Variants in NUP93 observed in about 807,000 individuals in gnomAD.
The protein encoded by NUP93 is nucleoporin 93, also known as nuclear pore complex protein Nup93.
In NUP93, 55 loss-of-function variants were observed where a neutral mutation model predicts 107.8. The observed-to-expected ratio is 0.51, with a 90% CI of 0.41 to 0.64. The LOEUF is 0.64. Ranked by LOEUF, NUP93 falls within the 30% of genes least tolerant of loss-of-function variation. NUP93 has a pLI of 0.00. For missense variants in NUP93, 937 were observed against 1,044.7 expected, an observed-to-expected ratio of 0.90 and a Z score of 1.42; for synonymous variants, 390 against 397.5, an observed-to-expected ratio of 0.98 and a Z score of 0.22.
intron 3 of NUP93, among the ~76,000 whole-genome samples, chr16:56,759,310 T>TG (rs1962083533): frequency 6.6e-6 from 1 of 152,262 alleles, no homozygotes; most frequent in Non-Finnish European, 1.5e-5. Flanking sequence ...GAAGGGACAG[T>TG]GGGGCACCAT....
chr16:56,832,643 A>G (rs1293980905), intron 12 of NUP93, among the ~76,000 whole-genome samples: 2 of 152,260 alleles, frequency 1.3e-5, no homozygotes, highest in African/African-American at 2.4e-5. Flanking sequence ...GTTCTAGTAG[A>G]CATATGCTCA....
At chr16:56,802,583 C>T (rs562603932) in intron 4 of NUP93, among the ~76,000 whole-genome samples, 2 of 33,626 alleles carry the variant, frequency 5.9e-5, no homozygotes, top group East Asian at 0.014. Context: ...TTCCTAATCA[C>T]GTGTCATATG....
chr16:56,839,036 G>A lies in NUP93; in HGVS notation c.2103G>A (p.Glu701=). Residue 701 remains glutamate, a synonymous_variant, in exon 19 of 22, where the codon GAG becomes GAA. Transcript: ENST00000308159. ...LLLDLITFFD[E]YHSGHIDRAF... Reference sequence around the variant, plus strand: ...TGGACTTGATCACCTTTTTTGACGAGTATCATAGTGGTCATATTGATAGAG... The same window carrying A: ...TGGACTTGATCACCTTTTTTGACGAATATCATAGTGGTCATATTGATAGAG... 2 of 1,613,688 alleles carry A rather than the reference G, an allele frequency of 1.2e-6. No individual in the cohort carries two copies. Among genetic ancestry groups the A allele is most frequent in the Admixed American group, 1.7e-5 (1 of 59,996 alleles).
chr16:56,838,515 T>G (rs1963957243), intron 18 of NUP93, among the ~76,000 whole-genome samples: 1 of 152,220 alleles, frequency 6.6e-6, no homozygotes. Flanking sequence ...TTACACTCTT[T>G]AATTAACTTC....
chr16:56,766,193 G>A lies in NUP93; in HGVS notation c.297+7538G>A, dbSNP rs74613949. On this transcript the variant is annotated intron_variant, in intron 3 of 21. Coordinates refer to ENST00000308159, the MANE Select transcript of NUP93 (RefSeq NM_014669.5). ...TCTTCTAGGAGGTTTCTTATATCCT[G>A]TAGTGAGCAAGAGAGTATCAATTAC... Among the ~76,000 whole-genome samples the A allele has an allele frequency of 5.9e-4, 90 of 152,326 alleles. 2 individuals carry two copies. In the East Asian group the frequency reaches 0.014, roughly 23 times the overall value.
chr16:56,738,291 A>T (rs986712517), intron 1 of NUP93, among the ~76,000 whole-genome samples: 3 of 152,208 alleles, frequency 2.0e-5, no homozygotes, highest in Non-Finnish European at 4.4e-5. Context: ...CTGGACAGCC[A>T]AGAGTTTATC....
chr16:56,790,084 C>T (rs1413572282), intron 3 of NUP93, among the ~76,000 whole-genome samples: 1 of 142,662 alleles, frequency 7.0e-6, no homozygotes, highest in Non-Finnish European at 1.5e-5. Context: ...GCAACAAGAG[C>T]AAAACTCCAT....
chr16:56,763,820 A>G (rs1962172166), intron 3 of NUP93, among the ~76,000 whole-genome samples: 1 of 152,210 alleles, frequency 6.6e-6, no homozygotes, highest in Admixed American at 6.5e-5. Context: ...CGCCAATTCT[A>G]ATCATGGTTA....
chr16:56,768,475 A>AT (rs1388638841), intron 3 of NUP93, among the ~76,000 whole-genome samples: 1 of 151,860 alleles, frequency 6.6e-6, no homozygotes, highest in Non-Finnish European at 1.5e-5. Flanking sequence ...AGGCAGGAGA[A>AT]TTGCTTGAAC....
rs952860085 is a variant in NUP93 at position 56,814,821 on chromosome 16, C to A, written c.490-3843C>A. 2.6e-5 allele frequency among the ~76,000 whole-genome samples: 4 copies of A among 152,344 alleles called. No homozygotes were observed. The South Asian group carries it at 8.3e-4, about 32-fold the overall frequency. ...GGCTCCCTGCTCCTGTCATCTTGTC[C>A]TGTCGTCCTTGCTATGGCTCCGCCA... On this transcript the variant is annotated intron_variant, in intron 5 of 21. Coordinates refer to ENST00000308159, the MANE Select transcript of NUP93 (RefSeq NM_014669.5).
chr16:56,736,947 T>C (rs1474246936), intron 1 of NUP93, among the ~76,000 whole-genome samples: 17 of 152,240 alleles, frequency 1.1e-4, no homozygotes, highest in Admixed American at 1.0e-3. Context: ...CTCACCTTGG[T>C]AATGCTAGGT....
chr16:56,785,024 T>G (rs1962595222), intron 3 of NUP93, among the ~76,000 whole-genome samples: 1 of 152,206 alleles, frequency 6.6e-6, no homozygotes, highest in Admixed American at 6.5e-5. Context: ...AGAGCCTAGA[T>G]CTCAGCATAA....
chr16:56,833,278 CGCAGTTTGAA>C lies in NUP93; in HGVS notation c.1414_1423del (p.Phe472GlnfsTer18), dbSNP rs1963835350. On this transcript the variant is annotated frameshift_variant, in exon 13 of 22. Coordinates refer to ENST00000308159, the MANE Select transcript of NUP93 (RefSeq NM_014669.5). LOFTEE classifies it high-confidence loss of function. ...TACTTCCAAGTCCTGTTCCTGACAG[CGCAGTTTGAA>C]GCAGCAGTTGCCTTTCTTTTCCGCA... The C allele has an allele frequency of 6.2e-7, 1 of 1,607,216 alleles. No individual in the cohort carries two copies. The highest frequency in any genetic ancestry group is 8.5e-7 in the Non-Finnish European group (1 of 1,177,872).
chr16:56,800,879 A>C (rs1245184655), intron 4 of NUP93, among the ~76,000 whole-genome samples: 1 of 152,250 alleles, frequency 6.6e-6, no homozygotes, highest in East Asian at 1.9e-4. Context: ...TCCCTTTATG[A>C]AAATGGGGTT....
intron 9 of NUP93, among the ~76,000 whole-genome samples, chr16:56,830,266 G>A (rs928877026): frequency 9.9e-5 from 15 of 152,140 alleles, no homozygotes; most frequent in African/African-American, 3.6e-4. Context: ...GGATCAAGTT[G>A]GGTACAAAGC....
Position 56,818,747 on chromosome 16 carries a change from G to T in NUP93, c.564+9G>T, listed in dbSNP as rs1370703991. 6.2e-7 allele frequency: 1 copy of T among 1,611,828 alleles called. No homozygotes were observed. Among genetic ancestry groups the T allele is most frequent in the Admixed American group, 1.7e-5 (1 of 59,934 alleles). ...TGGCCTATGCGCGGCAAGTGAGTGT[G>T]ATTTTAAGGGGGATTAAGCCAGGAA... On this transcript the variant is annotated intron_variant, in intron 6 of 21. Coordinates refer to ENST00000308159, the MANE Select transcript of NUP93 (RefSeq NM_014669.5).
At chr16:56,811,109 C>T (rs1963306794) in intron 5 of NUP93, among the ~76,000 whole-genome samples, 1 of 152,130 alleles carries the variant, frequency 6.6e-6, no homozygotes, top group African/African-American at 2.4e-5. Context: ...ATATTTGCAT[C>T]TCTGTTGGGT....
chr16:56,825,790 C>T (rs1407981610), intron 8 of NUP93, among the ~76,000 whole-genome samples: 1 of 152,142 alleles, frequency 6.6e-6, no homozygotes, highest in African/African-American at 2.4e-5. Flanking sequence ...ATTTTTCACT[C>T]TAGTGGCATC....
At chr16:56,758,484 C>A in intron 2 of NUP93, 54 bp from the exon 3 acceptor site, 1 of 1,334,878 alleles carries the variant, frequency 7.5e-7, no homozygotes, top group Non-Finnish European at 1.1e-6. Flanking sequence ...ATGTCCTAAT[C>A]CTAATCCTAA....
Sources: allele counts gnomAD v4.1 joint callset (sites outside exome capture counted in the v4.1 genomes callset), GRCh38; gene constraint gnomAD v4.1.1; transcripts MANE v1.5; gene names NCBI Gene and HGNC (gene_info 2026-07-23, HGNC 2026-07-21).